PEPD: variants seen among roughly 807,000 people sequenced by gnomAD.
The protein encoded by PEPD is xaa-Pro dipeptidase.
A neutral mutation model predicts 60.7 loss-of-function variants in PEPD; 53 were observed. The ratio of observed to expected loss-of-function variants is 0.87; its 90% CI spans 0.70 to 1.10. The LOEUF is 1.10. Among genes scored for constraint, PEPD ranks in the 50% least tolerant of loss-of-function variants. The pLI, the probability that PEPD is intolerant of heterozygous loss-of-function variation, is 0.00. For missense variants in PEPD, 711 were observed against 711.9 expected (o/e 1.00, Z 0.01); for synonymous variants, 267 against 284.1 (o/e 0.94, Z 0.60).
At chr19:33,495,261 A>T (rs970171892) in intron 4 of PEPD, among the ~76,000 whole-genome samples, 1 of 152,140 alleles carries the variant, frequency 6.6e-6, no homozygotes, top group Non-Finnish European at 1.5e-5. Context: ...TAATCGCAGC[A>T]CTTTTGGAAG....
At chr19:33,439,195 G>C (rs995753314) in intron 9 of PEPD, among the ~76,000 whole-genome samples, 2 of 152,252 alleles carry the variant, frequency 1.3e-5, no homozygotes, top group African/African-American at 4.8e-5. Flanking sequence ...GACGTGGACA[G>C]GGCTCCCATA....
chr19:33,464,753 T>A (rs534362359), intron 7 of PEPD, among the ~76,000 whole-genome samples: 1 of 152,274 alleles, frequency 6.6e-6, no homozygotes, highest in South Asian at 2.1e-4. Flanking sequence ...ACTGGACTCC[T>A]GAGGCTTCCA....
chr19:33,515,011 A>C (rs1970999228), intron 1 of PEPD, among the ~76,000 whole-genome samples: 1 of 152,096 alleles, frequency 6.6e-6, no homozygotes, highest in South Asian at 2.1e-4. Flanking sequence ...AGCACCTTCC[A>C]ACCTAAACGC....
In PEPD at chr19:33,401,638, C is replaced by T. The variant is rs933697743; in HGVS notation, c.967+83G>A. On this transcript the variant is annotated intron_variant, in intron 12 of 14. Transcript: ENST00000244137. ...GCAGATTCAAGTCACACAATGCAGA[C>T]CCGTTCCCTGCAGGCACCTGCCACA... is the stretch of plus-strand genomic sequence containing the variant. 3.1e-6 allele frequency: 4 copies of T among 1,292,790 alleles called. No individual in the cohort carries two copies. In the African/African-American group the frequency reaches 5.9e-5, roughly 19 times the overall value. 80.1% of individuals were successfully genotyped at this position (1,292,790 alleles called of 1,614,324 possible). A position where few individuals can be genotyped will look rare whatever the true frequency, so the allele number is the denominator to read the frequency against.
chr19:33,394,056 C>T (rs1968305028), intron 12 of PEPD, among the ~76,000 whole-genome samples: 1 of 152,264 alleles, frequency 6.6e-6, no homozygotes, highest in Admixed American at 6.5e-5. Flanking sequence ...CTTCTCATGT[C>T]TCACTCCGAG....
chr19:33,415,791 G>A (rs542094906), intron 9 of PEPD, among the ~76,000 whole-genome samples: 143 of 152,340 alleles, frequency 9.4e-4, no homozygotes, highest in Non-Finnish European at 1.4e-3. Flanking sequence ...TCCACACACT[G>A]TTCCATAGGA....
intron 14 of PEPD, 158 bp downstream of exon 14, chr19:33,387,732 G>T: frequency 1.0e-5 from 8 of 772,076 alleles, no homozygotes; most frequent in Non-Finnish European, 1.8e-5. Context: ...CTACTGAGGG[G>T]TGAGGCTCCA....
At chr19:33,441,010 C>T (rs1231535690) in intron 9 of PEPD, among the ~76,000 whole-genome samples, 3 of 152,178 alleles carry the variant, frequency 2.0e-5, no homozygotes, top group Non-Finnish European at 2.9e-5. Context: ...GGGAGAGGAT[C>T]GGGAGACCCA....
chr19:33,411,769 G>C lies in PEPD; in HGVS notation c.741-20C>G. The C allele has an allele frequency of 6.6e-7, 1 of 1,505,486 alleles. No individual in the cohort carries two copies. Among genetic ancestry groups the C allele is most frequent in the African/African-American group, 1.4e-5 (1 of 72,742 alleles). 93.3% of individuals were successfully genotyped at this position (1,505,486 alleles called of 1,614,324 possible). On this transcript the variant is annotated intron_variant, in intron 10 of 14. Transcript: ENST00000244137. Reference sequence around the variant, plus strand: ...TCACCACTGCAAAGAGCCGGGGGAGGGTGATCAAAGCCCATTCTTCTGCAG... The same window carrying C: ...TCACCACTGCAAAGAGCCGGGGGAGCGTGATCAAAGCCCATTCTTCTGCAG...
chr19:33,461,315 A>G (rs1463260499), intron 9 of PEPD, among the ~76,000 whole-genome samples: 5 of 152,076 alleles, frequency 3.3e-5, no homozygotes, highest in Non-Finnish European at 7.4e-5. Context: ...TTAAAAAAAA[A>G]AAAAGACCTC....
intron 9 of PEPD, among the ~76,000 whole-genome samples, chr19:33,455,660 A>T (rs990937773): frequency 1.4e-5 from 2 of 147,778 alleles, no homozygotes; most frequent in African/African-American, 5.0e-5. Flanking sequence ...GCGTCACCAC[A>T]CTCAGCTAAT....
rs886054335 is a variant in PEPD, at chr19:33,388,087, G to A, written c.1153-6C>T. ...TCGTCGATGCGCTCCACGCCCTGTG[G>A]GGAACAGAGGTGAGGGGCCTGATGA... On this transcript the variant is annotated splice_polypyrimidine_tract_variant and splice_region_variant and intron_variant, in intron 13 of 14. Transcript: ENST00000244137. The A allele has an allele frequency of 1.3e-6, 2 of 1,545,406 alleles. No homozygotes were observed. The highest frequency in any genetic ancestry group is 2.4e-5 in the East Asian group (1 of 40,974).
chr19:33,422,580 C>T (rs1445575281), intron 9 of PEPD, among the ~76,000 whole-genome samples: 1 of 151,572 alleles, frequency 6.6e-6, no homozygotes, highest in Admixed American at 6.6e-5. Context: ...ATCTACCTAT[C>T]TACCTAAGTG....
chr19:33,415,967 A>G (rs1968880492), intron 9 of PEPD, among the ~76,000 whole-genome samples: 1 of 152,192 alleles, frequency 6.6e-6, no homozygotes, highest in African/African-American at 2.4e-5. Context: ...AGGTGGGCAA[A>G]ACGAGCCCAC....
chr19:33,387,603 G>T (rs573755608), intron 14 of PEPD, 122 bp from the exon 15 acceptor site: 19 of 1,320,124 alleles, frequency 1.4e-5, no homozygotes, highest in Non-Finnish European at 1.9e-5. Context: ...CCTGGGAGAC[G>T]GGTGGCCTCC....
At chr19:33,420,358 A>AT (rs34748522) in intron 9 of PEPD, among the ~76,000 whole-genome samples, 40,181 of 151,904 alleles carry the variant, frequency 0.26, 5,484 homozygotes, top group East Asian at 0.32. Context: ...TCTTCCAGGC[A>AT]TTTTTTTTAA....
chr19:33,514,403 G>A (rs923211499), intron 1 of PEPD, among the ~76,000 whole-genome samples: 32 of 152,108 alleles, frequency 2.1e-4, no homozygotes, highest in Admixed American at 5.2e-4. Context: ...AGGGTCACAT[G>A]AGCAGGTCAC....
chr19:33,443,972 G>A (rs940024592), intron 9 of PEPD, among the ~76,000 whole-genome samples: 12 of 146,408 alleles, frequency 8.2e-5, no homozygotes, highest in South Asian at 6.5e-4. Flanking sequence ...GTGCACGCGC[G>A]TGCGCGCGCA....
Position 33,521,768 on chromosome 19 carries a change from CG to C in PEPD, c.-9del. ...CCCGGTGGCCGCCGCCATGTTCGCC[CG>C]GCACCGGCGTCACGTGAAGTGCGGC... On this transcript the variant is annotated 5_prime_UTR_variant, in exon 1 of 15. Transcript: ENST00000244137. The C allele has an allele frequency of 6.4e-7, 1 of 1,569,892 alleles. No individual in the cohort carries two copies. The highest frequency in any genetic ancestry group is 8.6e-7 in the Non-Finnish European group (1 of 1,162,494).
Sources: gnomAD v4.1 joint callset for allele counts (sites outside exome capture counted in the v4.1 genomes callset) on GRCh38, gnomAD v4.1.1 for gene constraint, MANE v1.5 for transcripts, NCBI Gene and HGNC (gene_info 2026-07-23, HGNC 2026-07-21) for gene names.